The following HROB variants were observed in gnomAD, a reference collection of about 807,000 sequenced individuals.
The protein encoded by HROB is homologous recombination OB-fold protein.
Under a neutral mutation model 61.0 loss-of-function variants are expected in HROB, and 44 were observed. The observed-to-expected ratio is 0.72, with a 90% CI of 0.57 to 0.93. HROB has a LOEUF of 0.93. Among genes scored for constraint, HROB ranks in the 40% least tolerant of loss-of-function variants. The pLI is 0.00. For synonymous variants in HROB, 301 were observed against 310.4 expected (o/e 0.97, Z 0.32); for missense variants, 716 against 796.2 (o/e 0.90, Z 1.21).
At chr17:44,142,464 T>C (rs2631298) in intron 1 of HROB, among the ~76,000 whole-genome samples, 70,474 of 146,174 alleles carry the variant, frequency 0.48, 21,015 homozygotes, top group African/African-American at 0.83. Context: ...CCACACTTTC[T>C]ACTTTTTTTT....
chr17:44,142,113 C>T lies in HROB; in HGVS notation c.-30C>T, dbSNP rs2053460389. On this transcript the variant is annotated 5_prime_UTR_variant, in exon 1 of 10. Transcript: ENST00000585683. ...CCCCGGACTCGGGGTGCCGGGCCAA[C>T]CTCCCCGCCGAGGCCCACCCGCCGT... 2.6e-6 allele frequency: 4 copies of T among 1,530,250 alleles called. No individual in the cohort carries two copies. The highest frequency in any genetic ancestry group is 1.2e-5 in the South Asian group (1 of 83,860). The allele number at this position is 1,530,250 out of a possible 1,614,324, so 94.8% of individuals were successfully genotyped here. A position where few individuals can be genotyped will look rare whatever the true frequency, so the allele number is the denominator to read the frequency against.
intron 5 of HROB, chr17:44,154,330 C>A (rs227583): frequency 1.4e-5 from 7 of 490,902 alleles, no homozygotes; most frequent in Middle Eastern, 5.5e-4. Context: ...GCGAAACTCC[C>A]TCTCAAAAAA....
intron 1 of HROB, 82 bp from the exon 2 acceptor site, chr17:44,145,112 GGTATTGTTA>G: frequency 1.5e-6 from 2 of 1,346,408 alleles, no homozygotes; most frequent in Non-Finnish European, 2.1e-6. Flanking sequence ...TATACCTGAT[GGTATTGTTA>G]GTGCTGGGAA....
At chr17:44,152,823 C>A in intron 5 of HROB, 46 bp downstream of exon 5, 1 of 1,598,666 alleles carries the variant, frequency 6.3e-7, no homozygotes, top group African/African-American at 1.3e-5. Flanking sequence ...CCATTTTTCT[C>A]CCTCTCTCTG....
chr17:44,151,149 T>C lies in HROB; in HGVS notation c.1308+105T>C, dbSNP rs2053792691. The stretch of plus-strand genomic sequence containing the variant: ...AAGAGCTGATGCTGCTAGGCCTGTT[T>C]GCTGGTGTCACACACTAAAAGGCAT... On this transcript the variant is annotated intron_variant, in intron 4 of 9. Coordinates refer to ENST00000585683, the MANE Select transcript of HROB (RefSeq NM_001171251.3). 2.5e-6 allele frequency: 3 copies of C among 1,219,832 alleles called. No homozygotes were observed. The South Asian group carries it at 3.9e-5, about 16-fold the overall frequency. The allele number at this position is 1,219,832 out of a possible 1,614,324, so 75.6% of individuals were successfully genotyped here. A position where few individuals can be genotyped will look rare whatever the true frequency, so the allele number is the denominator to read the frequency against.
At chr17:44,158,738 C>T (rs1368069742) in intron 9 of HROB, among the ~76,000 whole-genome samples, 1 of 151,930 alleles carries the variant, frequency 6.6e-6, no homozygotes, top group African/African-American at 2.4e-5. Flanking sequence ...CTCCGCCTCC[C>T]GGGTTCATGC....
At chr17:44,160,280 A>C (rs2054097672) in intron 9 of HROB, among the ~76,000 whole-genome samples, 1 of 152,110 alleles carries the variant, frequency 6.6e-6, no homozygotes. Flanking sequence ...GGTAATATTC[A>C]TATATAGCTG....
chr17:44,152,555 A>G (rs2053846364), intron 4 of HROB, 82 bp from the exon 5 acceptor site: 3 of 1,483,440 alleles, frequency 2.0e-6, no homozygotes, highest in African/African-American at 2.8e-5. Context: ...TTCCTCTCTC[A>G]CCCTTCCACC....
intron 8 of HROB, among the ~76,000 whole-genome samples, chr17:44,156,980 T>C (rs1203015803): frequency 6.6e-6 from 1 of 151,976 alleles, no homozygotes; most frequent in East Asian, 1.9e-4. Flanking sequence ...GTGTTTTTAG[T>C]AGAGATGGGG....
intron 9 of HROB, among the ~76,000 whole-genome samples, 156 bp from the exon 10 acceptor site, chr17:44,161,715 C>A (rs2054145882): frequency 6.6e-6 from 1 of 152,202 alleles, no homozygotes; most frequent in Non-Finnish European, 1.5e-5. Flanking sequence ...TCAGGCCAGC[C>A]TCAGGCCCAT....
chr17:44,152,160 A>G lies in HROB; in HGVS notation c.1309-477A>G, dbSNP rs2053831029. Among the ~76,000 whole-genome samples, 9 of 151,548 alleles carry G rather than the reference A, an allele frequency of 5.9e-5. No homozygotes were observed. In the South Asian group the frequency reaches 1.7e-3, roughly 28 times the overall value. ...GCGCCCAGTCAATTTTTGTATTTTT[A>G]GTAGAGACGAGGTTTCACCATGTTG... is the stretch of plus-strand genomic sequence containing the variant. On this transcript the variant is annotated intron_variant, in intron 4 of 9. Transcript: ENST00000585683.
chr17:44,142,443 C>T (rs998578181), intron 1 of HROB, among the ~76,000 whole-genome samples: 5 of 152,034 alleles, frequency 3.3e-5, no homozygotes, highest in African/African-American at 9.6e-5. Flanking sequence ...CATCCCTTTC[C>T]CCTCCCCGCC....
chr17:44,157,092 C>T (rs1199773418), intron 8 of HROB, among the ~76,000 whole-genome samples: 4 of 152,176 alleles, frequency 2.6e-5, no homozygotes, highest in Non-Finnish European at 1.5e-5. Flanking sequence ...GCCACCGTGC[C>T]TGGCCTTAAT....
Position 44,155,321 on chromosome 17 carries a change from C to T in HROB, c.1680C>T (p.Tyr560=), listed in dbSNP as rs2053939148. ...GVFSPSLRNH[Y]LNVTPNNLVH... is the part of the protein sequence containing the mutation. ...TTTCTCCTTCACTTCGAAATCACTA[C>T]CTCAACGTGACACCCAACAACCTGG... is the stretch of plus-strand genomic sequence containing the variant. Residue 560 remains tyrosine (Y), a synonymous_variant, in exon 8 of 10, where the codon TAC becomes TAT. Coordinates refer to ENST00000585683, the MANE Select transcript of HROB (RefSeq NM_001171251.3). 2 of 1,614,084 alleles carry T rather than the reference C, an allele frequency of 1.2e-6. No homozygotes were observed. The highest frequency in any genetic ancestry group is 1.7e-6 in the Non-Finnish European group (2 of 1,180,054).
rs371887186 is a variant in HROB at position 44,154,692 on chromosome 17, G to T, written c.1558+28G>T. ...AAGGAATTAGGTCCTAGGTTGTCTG[G>T]TGAGTGGGCTCCATTGAGGCCAGGA... On this transcript the variant is annotated intron_variant, in intron 6 of 9. Coordinates refer to ENST00000585683, the MANE Select transcript of HROB (RefSeq NM_001171251.3). 4.0e-5 allele frequency: 65 copies of T among 1,610,774 alleles called. No homozygotes were observed. The African/African-American group carries it at 8.4e-4, about 21-fold the overall frequency.
In HROB at chr17:44,154,632, T is replaced by G. The variant is rs766191073; in HGVS notation, c.1526T>G (p.Met509Arg). Residue 509 changes from methionine to arginine, a missense_variant, in exon 6 of 10, where the codon ATG (methionine) becomes AGG (arginine). Met to Arg is a moderately conservative substitution (Grantham distance 91). Transcript: ENST00000585683. ...ATCAAGTCCCTGACTCGGAGCACAA[T>G]GGACGCCAGTGTGGTTTTCAAGGAC... ...VMIKSLTRST[M>R]DASVVFKDPT... 2 of 1,614,106 alleles carry G rather than the reference T, an allele frequency of 1.2e-6. No individual in the cohort carries two copies. Among genetic ancestry groups the G allele is most frequent in the Non-Finnish European group, 8.5e-7 (1 of 1,180,022 alleles).
At position 44,161,999 on chromosome 17, in the gene HROB, A is replaced by C. The variant is rs1028185419; in HGVS notation, c.*67A>C. ...CTGGGCATGTGTCTGGTCACATCCA[A>C]GGGGGAGAAGAAGGCCAGCATGATT... On this transcript the variant is annotated 3_prime_UTR_variant, in exon 10 of 10. Coordinates refer to ENST00000585683, the MANE Select transcript of HROB (RefSeq NM_001171251.3). 1.4e-5 allele frequency: 22 copies of C among 1,531,996 alleles called. No homozygotes were observed. In the African/African-American group the frequency reaches 2.7e-4, roughly 19 times the overall value. The allele number at this position is 1,531,996 out of a possible 1,614,324, so 94.9% of individuals were successfully genotyped here.
chr17:44,144,582 G>A (rs543699228), intron 1 of HROB, among the ~76,000 whole-genome samples: 3 of 150,696 alleles, frequency 2.0e-5, no homozygotes, highest in Non-Finnish European at 3.0e-5. Context: ...GGCAGAAAGT[G>A]TTTTAATCTT....
In HROB at chr17:44,148,586, T is replaced by C; in HGVS notation, c.783T>C (p.Thr261=). The change falls in exon 3 of 10, where the codon ACT becomes ACC. Residue 261 remains threonine, a synonymous_variant. Coordinates refer to ENST00000585683, the MANE Select transcript of HROB (RefSeq NM_001171251.3). ...TTCCAACTGCCTTAACAGTTCCCAC[T>C]CAGCAACTCCACTGGGAAGTCTGTC... ...LPVPTALTVP[T]QQLHWEVCPQ... 1 of 1,613,886 alleles carries C rather than the reference T, an allele frequency of 6.2e-7. No individual in the cohort carries two copies. Among genetic ancestry groups the C allele is most frequent in the Non-Finnish European group, 8.5e-7 (1 of 1,180,004 alleles).
Sources: gnomAD v4.1 joint callset for allele counts (sites outside exome capture counted in the v4.1 genomes callset) on GRCh38, gnomAD v4.1.1 for gene constraint, MANE v1.5 for transcripts, NCBI Gene and HGNC (gene_info 2026-07-23, HGNC 2026-07-21) for gene names.